YTHDF2: variants seen among roughly 807,000 people sequenced by gnomAD.
YTHDF2 encodes YTH N6-methyladenosine RNA binding protein F2, also known as YTH domain-containing family protein 2.
A neutral mutation model predicts 50.4 loss-of-function variants in YTHDF2; 2 were observed. That is an observed-to-expected ratio of 0.04 (90% CI 0.02 to 0.12). The LOEUF (loss-of-function observed/expected upper bound fraction) is 0.12, where lower values mean the gene tolerates loss of function less well. Ranked by LOEUF, YTHDF2 falls within the 10% of genes least tolerant of loss-of-function variation. YTHDF2 has a pLI of 1.00. For synonymous variants in YTHDF2, 217 were observed against 255.6 expected (o/e 0.85, Z 1.44); for missense variants, 483 against 722.6 (o/e 0.67, Z 3.80).
chr1:28,760,300 T>C (rs987059480), intron 4 of YTHDF2, among the ~76,000 whole-genome samples: 8 of 147,030 alleles, frequency 5.4e-5, no homozygotes, highest in Non-Finnish European at 9.2e-5. Flanking sequence ...TGTGTGTGTG[T>C]GTGTGTGTGT....
chr1:28,740,415 A>G (rs1430873327), intron 3 of YTHDF2: 1 of 152,226 alleles, frequency 6.6e-6, no homozygotes, highest in Non-Finnish European at 1.5e-5. Context: ...CAAAGCTTAA[A>G]TGTCTTTGTT....
chr1:28,751,180 C>T (rs917726578), intron 4 of YTHDF2, among the ~76,000 whole-genome samples: 4 of 149,544 alleles, frequency 2.7e-5, no homozygotes, highest in Non-Finnish European at 4.4e-5. Context: ...ATCTCTTGAA[C>T]CCAGGAGGTG....
intron 3 of YTHDF2, among the ~76,000 whole-genome samples, chr1:28,738,764 A>AT (rs1409750512): frequency 1.3e-5 from 2 of 151,888 alleles, no homozygotes; most frequent in South Asian, 2.1e-4. Context: ...TAATACCTGT[A>AT]TTTTTTCTCT....
At chr1:28,763,877 T>TC (rs1191098512) in intron 4 of YTHDF2, among the ~76,000 whole-genome samples, 1 of 150,964 alleles carries the variant, frequency 6.6e-6, no homozygotes, top group Non-Finnish European at 1.5e-5. Flanking sequence ...TTTTGTTTTT[T>TC]TTTTTCCTAT....
intron 4 of YTHDF2, among the ~76,000 whole-genome samples, chr1:28,757,027 A>T (rs1404218074): frequency 2.0e-5 from 3 of 152,180 alleles, no homozygotes; most frequent in African/African-American, 7.2e-5. Flanking sequence ...TAACAGTTTA[A>T]ATATGCATGC....
Position 28,743,620 on chromosome 1 carries a change from C to CTTT in YTHDF2, c.1350_1351insTTT (p.Asn450_Gly451insPhe). The CTTT allele has an allele frequency of 1.2e-6, 2 of 1,614,096 alleles. No homozygotes were observed. Among genetic ancestry groups the CTTT allele is most frequent in the Non-Finnish European group, 1.7e-6 (2 of 1,180,016 alleles). ...TGGATGCTGCTTATCGTTCCATGAACGGGAAAGGCCCCGTTTACTTACTTT... is the reference window on the plus strand; with the variant it reads ...TGGATGCTGCTTATCGTTCCATGAACTTTGGGAAAGGCCCCGTTTACTTACTTT... On this transcript the variant is annotated inframe_insertion, in exon 4 of 5. Coordinates refer to ENST00000373812, the MANE Select transcript of YTHDF2 (RefSeq NM_016258.3). This position sits in a 1 kb window ranked among gnomAD's most constrained non-coding sequence, Gnocchi z 6.9.
At chr1:28,756,165 C>T (rs2088033087) in intron 4 of YTHDF2, among the ~76,000 whole-genome samples, 5 of 152,142 alleles carry the variant, frequency 3.3e-5, no homozygotes, top group Admixed American at 3.3e-4. Flanking sequence ...TATTATAAAG[C>T]TCTTTTGTTT....
chr1:28,768,577 G>A lies in YTHDF2; in HGVS notation c.1717-352G>A, dbSNP rs116767588. Among the ~76,000 whole-genome samples the A allele has an allele frequency of 6.8e-3, 1,036 of 152,230 alleles. 6 individuals carry two copies. Among genetic ancestry groups the A allele is most frequent in the Non-Finnish European group, 0.012 (785 of 68,010 alleles). On this transcript the variant is annotated intron_variant, in intron 4 of 4. Coordinates refer to ENST00000373812, the MANE Select transcript of YTHDF2 (RefSeq NM_016258.3). ...GTCAGTCTGACTCTAACACTCTAGT[G>A]TACTATGTATGTATGTATTCTGCTT... is the stretch of plus-strand genomic sequence containing the variant.
At chr1:28,759,103 A>C (rs557170307) in intron 4 of YTHDF2, among the ~76,000 whole-genome samples, 8 of 152,256 alleles carry the variant, frequency 5.3e-5, no homozygotes, top group African/African-American at 1.9e-4. Flanking sequence ...GTTCTCCCTT[A>C]CCTACTGAAT....
chr1:28,749,287 G>T lies in YTHDF2; in HGVS notation c.1716+5301G>T, dbSNP rs140548206. On this transcript the variant is annotated intron_variant, in intron 4 of 4. Coordinates refer to ENST00000373812, the MANE Select transcript of YTHDF2 (RefSeq NM_016258.3). ...GCCCACTGCAAGCTCCGCCTCCCGG[G>T]TTCACGCCATTCTCCTGCCTCAGCC... 9.2e-3 allele frequency among the ~76,000 whole-genome samples: 1,386 copies of T among 151,094 alleles called. 14 individuals are homozygous for T. The highest frequency in any genetic ancestry group is 0.032 in the African/African-American group (1,303 of 41,226).
chr1:28,758,353 G>A (rs1341785632), intron 4 of YTHDF2, among the ~76,000 whole-genome samples: 1 of 152,146 alleles, frequency 6.6e-6, no homozygotes, highest in African/African-American at 2.4e-5. Context: ...GCAACAGAGT[G>A]AGACCCTGTC....
At chr1:28,745,044 G>A (rs1031945118) in intron 4 of YTHDF2, among the ~76,000 whole-genome samples, 7 of 152,094 alleles carry the variant, frequency 4.6e-5, no homozygotes, top group African/African-American at 1.4e-4. Flanking sequence ...GTGTATTAGT[G>A]GTTGAGAGAA....
At chr1:28,751,089 T>TGAAAAAAA (rs1557545318) in intron 4 of YTHDF2, among the ~76,000 whole-genome samples, 1 of 19,058 alleles carries the variant, frequency 5.2e-5, no homozygotes, top group Non-Finnish European at 1.0e-4. Flanking sequence ...CGAGACTGTC[T>TGAAAAAAA]CAAAAAAAAA....
chr1:28,741,489 G>A (rs977128257), intron 3 of YTHDF2, among the ~76,000 whole-genome samples: 1 of 152,096 alleles, frequency 6.6e-6, no homozygotes, highest in African/African-American at 2.4e-5. Flanking sequence ...AGTAGAGACT[G>A]GGTTTTATCA....
At position 28,737,068 on chromosome 1, in the gene YTHDF2, C is replaced by T; in HGVS notation, c.-53C>T. 2 of 1,563,534 alleles carry T rather than the reference C, an allele frequency of 1.3e-6. No individual in the cohort carries two copies. Among genetic ancestry groups the T allele is most frequent in the Non-Finnish European group, 1.7e-6 (2 of 1,156,026 alleles). ...GCAGACGGGGCTCATCTGCCGCCGC[C>T]GCCGCGCTGAGGAGAGTTCGCCGCC... On this transcript the variant is annotated 5_prime_UTR_variant, in exon 1 of 5. Coordinates refer to ENST00000373812, the MANE Select transcript of YTHDF2 (RefSeq NM_016258.3).
intron 4 of YTHDF2, among the ~76,000 whole-genome samples, chr1:28,755,085 T>G (rs1000028606): frequency 1.3e-5 from 2 of 151,716 alleles, no homozygotes; most frequent in Non-Finnish European, 2.9e-5. Context: ...AACGGGAAAC[T>G]GGATATGAAG....
intron 4 of YTHDF2, among the ~76,000 whole-genome samples, chr1:28,746,029 ACT>A (rs1291582500): frequency 6.6e-6 from 1 of 152,160 alleles, no homozygotes; most frequent in Non-Finnish European, 1.5e-5. Context: ...ACAGAGTGAG[ACT>A]CTGTATCAAA....
intron 4 of YTHDF2, among the ~76,000 whole-genome samples, chr1:28,763,782 C>T (rs909724712): frequency 2.0e-5 from 3 of 146,948 alleles, no homozygotes; most frequent in Non-Finnish European, 4.5e-5. Flanking sequence ...GGATTATGGG[C>T]GTGAGCCACT....
intron 3 of YTHDF2, among the ~76,000 whole-genome samples, chr1:28,741,152 C>T (rs2087769929): frequency 6.6e-6 from 1 of 152,100 alleles, no homozygotes. Context: ...CAGGTGCCAC[C>T]ACGCCTGGCT....
Sources: allele counts gnomAD v4.1 joint callset (sites outside exome capture counted in the v4.1 genomes callset), GRCh38; gene constraint gnomAD v4.1.1; non-coding constraint Gnocchi (gnomAD v3.1); transcripts MANE v1.5; gene names NCBI Gene and HGNC (gene_info 2026-07-23, HGNC 2026-07-21).